The following GPC6 variants were observed in gnomAD, a reference collection of about 807,000 sequenced individuals.
GPC6 encodes the protein glypican-6.
A neutral mutation model predicts 55.2 loss-of-function variants in GPC6; 14 were observed. That is an observed-to-expected ratio of 0.25 (90% CI 0.17 to 0.40). GPC6 has a LOEUF of 0.40. Among genes scored for constraint, GPC6 ranks in the 10% least tolerant of loss-of-function variants. The pLI is 1.00. For missense variants in GPC6, 641 were observed against 708.5 expected, an observed-to-expected ratio of 0.90 and a Z score of 1.08; for synonymous variants, 278 against 259.6, an observed-to-expected ratio of 1.07 and a Z score of -0.68.
At chr13:94,083,655 T>C (rs1478803971) in intron 4 of GPC6, among the ~76,000 whole-genome samples, 2 of 152,198 alleles carry the variant, frequency 1.3e-5, no homozygotes, top group Admixed American at 6.5e-5. Context: ...CAATAAACAA[T>C]TGTGATTTTG....
chr13:93,612,427 A>G (rs1429409857), intron 2 of GPC6, among the ~76,000 whole-genome samples: 19 of 151,288 alleles, frequency 1.3e-4, no homozygotes. Flanking sequence ...TGAACCCGGG[A>G]GGCGGAGCTT....
chr13:93,236,910 T>A (rs72633951), intron 1 of GPC6, among the ~76,000 whole-genome samples: 84 of 152,352 alleles, frequency 5.5e-4, no homozygotes, highest in Non-Finnish European at 1.1e-3. Context: ...TTCATTTTTT[T>A]AGGGCTGAGT....
rs118092832 is a variant in GPC6, at chr13:94,006,601, A to G, written c.712-21128A>G. 9.6e-3 allele frequency among the ~76,000 whole-genome samples: 1,465 copies of G among 152,310 alleles called. 43 individuals carry two copies. The highest frequency in any genetic ancestry group is 0.068 in the South Asian group (328 of 4,830). ...GAGGCAGTCATGGGGCTAATCAGAA[A>G]GTCAACATGGCAGATTAGCATTCAA... On this transcript the variant is annotated intron_variant, in intron 3 of 8. Coordinates refer to ENST00000377047, the MANE Select transcript of GPC6 (RefSeq NM_005708.5).
chr13:93,321,102 A>AT (rs140329422), intron 1 of GPC6, among the ~76,000 whole-genome samples: 3,271 of 152,268 alleles, frequency 0.021, 119 homozygotes, highest in African/African-American at 0.074. Context: ...TGGACAGTCT[A>AT]TTTAAAACTA....
chr13:94,110,867 G>GTTTGT lies in GPC6; in HGVS notation c.877+82976_877+82977insGTTTT, dbSNP rs373555166. On this transcript the variant is annotated intron_variant, in intron 4 of 8. Transcript: ENST00000377047. ...TTTGTGAAAATGTACAAGAATTTTT[G>GTTTGT]TTTATTTATTTTTACCATGGAATTA... is the stretch of plus-strand genomic sequence containing the variant. Among the ~76,000 whole-genome samples, 382 of 152,070 alleles carry GTTTGT rather than the reference G, an allele frequency of 2.5e-3. 2 individuals carry two copies. Among genetic ancestry groups the GTTTGT allele is most frequent in the African/African-American group, 8.9e-3 (370 of 41,510 alleles).
At chr13:94,374,506 G>A (rs1299169987) in intron 6 of GPC6, among the ~76,000 whole-genome samples, 22 of 136,154 alleles carry the variant, frequency 1.6e-4, no homozygotes, top group African/African-American at 6.0e-4. Flanking sequence ...AACAAGAAGA[G>A]CTAACTGTCC....
chr13:93,576,876 C>T (rs1876692022), intron 2 of GPC6, among the ~76,000 whole-genome samples: 1 of 152,120 alleles, frequency 6.6e-6, no homozygotes, highest in African/African-American at 2.4e-5. Context: ...TTGGATTAGA[C>T]TTCATTAAGG....
chr13:94,190,714 G>T (rs1198878436), intron 4 of GPC6, among the ~76,000 whole-genome samples: 1 of 152,112 alleles, frequency 6.6e-6, no homozygotes, highest in Admixed American at 6.5e-5. Context: ...GGTTATCCTT[G>T]TTCCTAGGAA....
At chr13:93,384,476 A>G (rs1418961417) in intron 1 of GPC6, among the ~76,000 whole-genome samples, 3 of 152,056 alleles carry the variant, frequency 2.0e-5, no homozygotes, top group Non-Finnish European at 2.9e-5. Flanking sequence ...GATGATAATT[A>G]TAAAGAATTG....
chr13:93,969,123 C>T (rs1270824921), intron 3 of GPC6, among the ~76,000 whole-genome samples: 1 of 152,142 alleles, frequency 6.6e-6, no homozygotes, highest in Non-Finnish European at 1.5e-5. Flanking sequence ...AAATGTGATA[C>T]ACACTGTGGT....
chr13:94,053,895 A>G (rs1884042073), intron 4 of GPC6, among the ~76,000 whole-genome samples: 2 of 152,150 alleles, frequency 1.3e-5, no homozygotes, highest in African/African-American at 4.8e-5. Flanking sequence ...GTATTTTAGT[A>G]CATTTATTTT....
intron 4 of GPC6, among the ~76,000 whole-genome samples, chr13:94,175,112 G>A (rs1034394697): frequency 6.6e-6 from 1 of 152,022 alleles, no homozygotes; most frequent in African/African-American, 2.4e-5. Flanking sequence ...ACATTTTTCT[G>A]TCTGGCTTCT....
chr13:93,787,714 A>G (rs1173940676), intron 2 of GPC6, among the ~76,000 whole-genome samples: 1 of 152,116 alleles, frequency 6.6e-6, no homozygotes, highest in Non-Finnish European at 1.5e-5. Flanking sequence ...CTACTTTTAA[A>G]TATACACTAC....
intron 1 of GPC6, among the ~76,000 whole-genome samples, chr13:93,393,633 TC>T (rs745492904): frequency 2.8e-4 from 42 of 151,138 alleles, no homozygotes; most frequent in Non-Finnish European, 5.2e-4. Flanking sequence ...AGACCTGTTC[TC>T]TCTCTCTCTC....
At chr13:93,394,320 C>G (rs999474183) in intron 1 of GPC6, among the ~76,000 whole-genome samples, 2 of 152,174 alleles carry the variant, frequency 1.3e-5, no homozygotes, top group African/African-American at 4.8e-5. Context: ...CTTACTCATT[C>G]TTAGGTTTCT....
intron 2 of GPC6, among the ~76,000 whole-genome samples, chr13:93,676,120 AAAAAAAATATATAT>A (rs1250850062): frequency 2.3e-4 from 3 of 13,310 alleles, no homozygotes; most frequent in South Asian, 6.9e-3. Context: ...AAAAAAAAAA[AAAAAAAATATATAT>A]ATATATATAT....
chr13:93,847,517 G>T (rs1888226771), intron 3 of GPC6, among the ~76,000 whole-genome samples: 1 of 151,838 alleles, frequency 6.6e-6, no homozygotes, highest in African/African-American at 2.4e-5. Context: ...ATGAAGCATT[G>T]GTTCTATTTG....
intron 3 of GPC6, among the ~76,000 whole-genome samples, chr13:94,022,661 C>G (rs987091772): frequency 4.6e-5 from 7 of 151,964 alleles, no homozygotes; most frequent in African/African-American, 1.7e-4. Context: ...TTAGGAACCT[C>G]CATATTGTTT....
intron 1 of GPC6, among the ~76,000 whole-genome samples, chr13:93,361,064 A>G (rs1199296054): frequency 6.6e-6 from 1 of 152,004 alleles, no homozygotes; most frequent in East Asian, 1.9e-4. Flanking sequence ...GCTTGGTGCT[A>G]CGGATACCTC....
Sources: allele counts gnomAD v4.1 joint callset (sites outside exome capture counted in the v4.1 genomes callset), GRCh38; gene constraint gnomAD v4.1.1; transcripts MANE v1.5; gene names NCBI Gene and HGNC (gene_info 2026-07-23, HGNC 2026-07-21).